The following CDC42SE2 variants were observed in gnomAD, a reference collection of about 807,000 sequenced individuals.
CDC42SE2 encodes CDC42 small effector 2.
In CDC42SE2, 3 loss-of-function variants were observed where a neutral mutation model predicts 11.5. That is an observed-to-expected ratio of 0.26 (90% CI 0.12 to 0.67). CDC42SE2 has a LOEUF of 0.67. CDC42SE2 is among the 30% of genes least tolerant of loss of function. The probability of loss-of-function intolerance (pLI) is 0.80; values close to 1 mark genes in which losing one functional copy is unlikely to be tolerated. For missense variants in CDC42SE2, 82 were observed against 106.8 expected (o/e 0.77, Z 1.02); for synonymous variants, 33 against 34.8 (o/e 0.95, Z 0.18).
chr5:131,321,049 T>C (rs1251442843), intron 2 of CDC42SE2, among the ~76,000 whole-genome samples: 2 of 152,200 alleles, frequency 1.3e-5, no homozygotes, highest in Non-Finnish European at 2.9e-5. Context: ...TAATGCCTTA[T>C]TAGAGGGAGT....
intron 1 of CDC42SE2, among the ~76,000 whole-genome samples, chr5:131,269,463 C>G (rs559462650): frequency 1.3e-5 from 2 of 152,168 alleles, no homozygotes; most frequent in Admixed American, 1.3e-4. Flanking sequence ...ATTTTTTTAT[C>G]TTGTACTAAA....
chr5:131,275,410 C>T (rs1757081656), intron 1 of CDC42SE2, among the ~76,000 whole-genome samples: 1 of 151,666 alleles, frequency 6.6e-6, no homozygotes, highest in Non-Finnish European at 1.5e-5. Flanking sequence ...AATTCTTGTG[C>T]CTCAGCCTCC....
chr5:131,344,822 A>G (rs1758800257), intron 2 of CDC42SE2, among the ~76,000 whole-genome samples: 1 of 152,246 alleles, frequency 6.6e-6, no homozygotes. Flanking sequence ...AGGATCAGAC[A>G]GCAACATTTG....
chr5:131,390,960 AT>A, intron 4 of CDC42SE2, 32 bp from the exon 5 acceptor site: 1 of 1,477,846 alleles, frequency 6.8e-7, no homozygotes, highest in Non-Finnish European at 9.4e-7. Context: ...CCTGACTTCC[AT>A]TTTGTTTTGT....
intron 1 of CDC42SE2, among the ~76,000 whole-genome samples, chr5:131,267,445 T>A (rs926734567): frequency 6.6e-6 from 1 of 152,180 alleles, no homozygotes; most frequent in Non-Finnish European, 1.5e-5. Context: ...TGAGGCTAAA[T>A]AAATTTCAGG....
intron 3 of CDC42SE2, among the ~76,000 whole-genome samples, chr5:131,381,819 C>T (rs1750335811): frequency 6.6e-6 from 1 of 152,252 alleles, no homozygotes; most frequent in Non-Finnish European, 1.5e-5. Flanking sequence ...TGCTTTAAAA[C>T]ACTTTCAATT....
intron 1 of CDC42SE2, among the ~76,000 whole-genome samples, chr5:131,282,208 G>A (rs1757249532): frequency 6.6e-6 from 1 of 152,186 alleles, no homozygotes; most frequent in Non-Finnish European, 1.5e-5. Flanking sequence ...GACCAAAATT[G>A]TAAGAAAGTC....
intron 2 of CDC42SE2, among the ~76,000 whole-genome samples, chr5:131,336,448 C>T (rs1286552904): frequency 2.0e-5 from 3 of 152,124 alleles, no homozygotes; most frequent in Non-Finnish European, 4.4e-5. Context: ...AATTACGTGT[C>T]TTGGAGTTGC....
the CDC42SE2 span, among the ~76,000 whole-genome samples, chr5:131,228,820 C>G: frequency 6.6e-6 from 1 of 152,144 alleles, no homozygotes; most frequent in Non-Finnish European, 1.5e-5. Context: ...AGCACATGCA[C>G]CAAGGAAGGC....
the CDC42SE2 span, among the ~76,000 whole-genome samples, chr5:131,219,994 T>C: frequency 6.6e-6 from 1 of 152,148 alleles, no homozygotes; most frequent in Non-Finnish European, 1.5e-5. Flanking sequence ...TAGATATCTT[T>C]TGGAATAAGA....
At chr5:131,279,110 G>A (rs1757178034) in intron 1 of CDC42SE2, among the ~76,000 whole-genome samples, 1 of 152,038 alleles carries the variant, frequency 6.6e-6, no homozygotes, top group Non-Finnish European at 1.5e-5. Context: ...TTATGGTTTA[G>A]TCTAGTAGAA....
chr5:131,272,016 G>A (rs769661671), intron 1 of CDC42SE2, among the ~76,000 whole-genome samples: 2 of 151,830 alleles, frequency 1.3e-5, no homozygotes, highest in Non-Finnish European at 2.9e-5. Flanking sequence ...GTTTTGTTTT[G>A]TTTTCGCTTT....
chr5:131,210,130 A>G, the CDC42SE2 span, among the ~76,000 whole-genome samples: 61 of 152,328 alleles, frequency 4.0e-4, no homozygotes, highest in African/African-American at 1.4e-3. Flanking sequence ...AGTGGAGCAG[A>G]TGCTGGTGTC....
upstream of CDC42SE2, among the ~76,000 whole-genome samples, chr5:131,263,147 C>T (rs906737240): frequency 1.3e-5 from 2 of 149,412 alleles, no homozygotes; most frequent in Non-Finnish European, 3.0e-5. Flanking sequence ...ATGTTGCCCA[C>T]TCTGTTCTAT....
chr5:131,340,314 G>T lies in CDC42SE2; in HGVS notation c.-285-18895G>T, dbSNP rs537889608. ...ATGAAATTTTGAACCGTCATGCTGTGTCTCATCTGGAACATGTATCATCCC... is the reference window on the plus strand; with the variant it reads ...ATGAAATTTTGAACCGTCATGCTGTTTCTCATCTGGAACATGTATCATCCC... On this transcript the variant is annotated intron_variant, in intron 2 of 4. Coordinates refer to ENST00000505065, the MANE Select transcript of CDC42SE2 (RefSeq NM_001375635.1). Among the ~76,000 whole-genome samples the T allele has an allele frequency of 2.0e-4, 30 of 152,280 alleles. No individual in the cohort carries two copies. The South Asian group carries it at 2.9e-3, about 15-fold the overall frequency.
upstream of CDC42SE2, among the ~76,000 whole-genome samples, chr5:131,241,776 T>C (rs1247019482): frequency 6.6e-6 from 1 of 152,144 alleles, no homozygotes; most frequent in Non-Finnish European, 1.5e-5. Context: ...TTTCTTCAAA[T>C]GTCATCTTCT....
intron 2 of CDC42SE2, among the ~76,000 whole-genome samples, chr5:131,342,250 A>G (rs907817505): frequency 7.1e-6 from 1 of 140,842 alleles, no homozygotes; most frequent in Admixed American, 7.3e-5. Flanking sequence ...ACTGCACTCC[A>G]GCCTGGTGAC....
intron 3 of CDC42SE2, among the ~76,000 whole-genome samples, chr5:131,366,940 A>G (rs1339460013): frequency 1.3e-5 from 2 of 151,908 alleles, no homozygotes; most frequent in African/African-American, 4.8e-5. Context: ...AGGTAGGAGG[A>G]TTGCTTGAGC....
At chr5:131,298,635 A>C (rs1248284774) in intron 1 of CDC42SE2, among the ~76,000 whole-genome samples, 1 of 151,758 alleles carries the variant, frequency 6.6e-6, no homozygotes, top group African/African-American at 2.4e-5. Flanking sequence ...TTTTAAACCA[A>C]AAATTGCCTT....
Sources: allele counts gnomAD v4.1 joint callset (sites outside exome capture counted in the v4.1 genomes callset), GRCh38; gene constraint gnomAD v4.1.1; transcripts MANE v1.5; gene names NCBI Gene and HGNC (gene_info 2026-07-23, HGNC 2026-07-21).